VWA8: variants seen among roughly 807,000 people sequenced by gnomAD.
VWA8 encodes von Willebrand factor A domain containing 8.
Under a neutral mutation model 241.5 loss-of-function variants are expected in VWA8, and 221 were observed. That is an observed-to-expected ratio of 0.91 (90% CI 0.82 to 1.02). VWA8 has a LOEUF of 1.02. Among genes scored for constraint, VWA8 ranks in the 50% least tolerant of loss-of-function variants. The pLI, the probability that VWA8 is intolerant of heterozygous loss-of-function variation, is 0.00. For synonymous variants in VWA8, 852 were observed against 827.1 expected, an observed-to-expected ratio of 1.03 and a Z score of -0.52; for missense variants, 2,322 against 2,328.7, an observed-to-expected ratio of 1.00 and a Z score of 0.06.
chr13:41,683,182 C>T (rs557245446), intron 35 of VWA8, among the ~76,000 whole-genome samples: 1 of 151,736 alleles, frequency 6.6e-6, no homozygotes, highest in South Asian at 2.1e-4. Flanking sequence ...CTGGAAAAAA[C>T]CAATAAATAT....
rs370548495 is a variant in VWA8 at position 41,935,053 on chromosome 13, G to A, written c.241+14883C>T. ...TGATTATGTTTTATATTTGTAATAG[G>A]AACAAAAATTTATACTTCTTATGTT... On this transcript the variant is annotated intron_variant, in intron 2 of 44. Transcript: ENST00000379310. Among the ~76,000 whole-genome samples, 7 of 151,912 alleles carry A rather than the reference G, an allele frequency of 4.6e-5. No homozygotes were observed. The South Asian group carries it at 8.3e-4, about 18-fold the overall frequency.
chr13:41,622,955 T>C lies in VWA8; in HGVS notation c.4612-7871A>G, dbSNP rs116475934. On this transcript the variant is annotated intron_variant, in intron 37 of 44. Transcript: ENST00000379310. ...CTACCTCACGTTCATTTCCTCTTTT[T>C]TCCTTTTAAACAGAAGTCGGATATA... is the stretch of plus-strand genomic sequence containing the variant. 1.6e-3 allele frequency among the ~76,000 whole-genome samples: 237 copies of C among 152,342 alleles called. 1 individual carries two copies. Among genetic ancestry groups the C allele is most frequent in the African/African-American group, 5.5e-3 (228 of 41,584 alleles).
intron 18 of VWA8, among the ~76,000 whole-genome samples, chr13:41,785,040 C>G (rs1352749766): frequency 1.3e-5 from 2 of 151,592 alleles, no homozygotes; most frequent in Admixed American, 6.6e-5. Context: ...TATGTATTCC[C>G]TACAGTAACC....
rs539544248 is a variant in VWA8, at chr13:41,921,131, C to T, written c.242-8963G>A. ...TCCCTGGGATGCAAGGCTGGTTCAA[C>T]ATATGCAAATCAATAAACGTAATCC... On this transcript the variant is annotated intron_variant, in intron 2 of 44. Coordinates refer to ENST00000379310, the MANE Select transcript of VWA8 (RefSeq NM_015058.2). 4.9e-4 allele frequency among the ~76,000 whole-genome samples: 74 copies of T among 152,328 alleles called. 1 individual carries two copies. The South Asian group carries it at 0.012, about 26-fold the overall frequency.
At chr13:41,849,409 CCCA>C (rs550007726) in intron 12 of VWA8, among the ~76,000 whole-genome samples, 20 of 152,180 alleles carry the variant, frequency 1.3e-4, no homozygotes, top group African/African-American at 4.3e-4. Context: ...CAATATATTT[CCCA>C]CAAGGATGGA....
intron 2 of VWA8, among the ~76,000 whole-genome samples, chr13:41,931,810 C>G (rs1228496597): frequency 6.6e-6 from 1 of 152,020 alleles, no homozygotes; most frequent in East Asian, 1.9e-4. Context: ...TAGCATTCCA[C>G]TAAAGCTGTA....
Position 41,700,634 on chromosome 13 carries a change from G to C in VWA8, c.3364+758C>G, listed in dbSNP as rs2045243501. ...AGGCATTAAATGCAGTTCAGTCTTT[G>C]TCTTAAACATACAGATACAAGATTT... On this transcript the variant is annotated intron_variant, in intron 28 of 44. Transcript: ENST00000379310. Among the ~76,000 whole-genome samples, 3 of 152,092 alleles carry C rather than the reference G, an allele frequency of 2.0e-5. No homozygotes were observed. The South Asian group carries it at 6.2e-4, about 31-fold the overall frequency.
chr13:41,693,468 T>C lies in VWA8; in HGVS notation c.3565-496A>G, dbSNP rs552343744. ...ACAAATCCAGGTTCAATTTAGAAAA[T>C]AGGTATAAAATAGATATAAAGAGGA... On this transcript the variant is annotated intron_variant, in intron 29 of 44. Transcript: ENST00000379310. Among the ~76,000 whole-genome samples, 16 of 152,068 alleles carry C rather than the reference T, an allele frequency of 1.1e-4. No homozygotes were observed. The East Asian group carries it at 1.5e-3, about 15-fold the overall frequency.
intron 23 of VWA8, among the ~76,000 whole-genome samples, chr13:41,728,150 CTCA>C (rs2045451730): frequency 7.3e-6 from 1 of 136,944 alleles, no homozygotes; most frequent in Non-Finnish European, 1.7e-5. Flanking sequence ...AGAGCCTACT[CTCA>C]TTTTTTTATG....
chr13:41,784,173 A>G (rs1869032165), intron 18 of VWA8, among the ~76,000 whole-genome samples: 1 of 152,040 alleles, frequency 6.6e-6, no homozygotes, highest in Non-Finnish European at 1.5e-5. Flanking sequence ...AAAAACCAGA[A>G]TACAGTCAAG....
Position 41,587,612 on chromosome 13 carries a change from C to A in VWA8, c.5171G>T (p.Ser1724Ile). 1 of 1,614,228 alleles carries A rather than the reference C, an allele frequency of 6.2e-7. No individual in the cohort carries two copies. Among genetic ancestry groups the A allele is most frequent in the Non-Finnish European group, 8.5e-7 (1 of 1,180,050 alleles). ...RLRLVVDVSG[S>I]MYRFNRMDGR... The stretch of plus-strand genomic sequence containing the variant: ...ATCCATCCTGTTGAAACGGTACATG[C>A]TACCAGACACATCTACCACCAGGCG... The change falls in exon 42 of 45, where the codon AGC becomes ATC. Residue 1724 changes from serine to isoleucine, a missense_variant. Coordinates refer to ENST00000379310, the MANE Select transcript of VWA8 (RefSeq NM_015058.2).
At chr13:41,569,645 ATT>A (rs769186344) in intron 44 of VWA8, among the ~76,000 whole-genome samples, 14 of 140,026 alleles carry the variant, frequency 1.0e-4, no homozygotes, top group Non-Finnish European at 1.3e-4. Context: ...TTAGGCAGGG[ATT>A]TTTTTTTTTT....
intron 12 of VWA8, among the ~76,000 whole-genome samples, chr13:41,841,003 A>C (rs1198434036): frequency 6.6e-6 from 1 of 152,198 alleles, no homozygotes; most frequent in Non-Finnish European, 1.5e-5. Flanking sequence ...TTATAACCTG[A>C]AGAGCCATGT....
chr13:41,751,284 C>T (rs1325244260), intron 21 of VWA8, among the ~76,000 whole-genome samples: 2 of 152,072 alleles, frequency 1.3e-5, no homozygotes, highest in Admixed American at 6.6e-5. Context: ...CAGTAGAAGG[C>T]ATTATTAATA....
chr13:41,582,804 G>C (rs2044391946), intron 42 of VWA8, among the ~76,000 whole-genome samples: 1 of 152,178 alleles, frequency 6.6e-6, no homozygotes, highest in Non-Finnish European at 1.5e-5. Flanking sequence ...TCTGAGAAGA[G>C]ACTGATAATT....
At chr13:41,649,010 C>T (rs35760880) in intron 37 of VWA8, among the ~76,000 whole-genome samples, 2,983 of 152,148 alleles carry the variant, frequency 0.02, 26 homozygotes, top group South Asian at 0.047. Context: ...ATGGTGAAAC[C>T]TCGTCTCTAC....
chr13:41,648,293 C>T (rs2044845879), intron 37 of VWA8, among the ~76,000 whole-genome samples: 1 of 152,156 alleles, frequency 6.6e-6, no homozygotes, highest in South Asian at 2.1e-4. Context: ...CATTATTTAT[C>T]TGGTTCAGGT....
At chr13:41,959,823 T>C (rs147005761) in intron 1 of VWA8, among the ~76,000 whole-genome samples, 12,980 of 151,788 alleles carry the variant, frequency 0.086, 571 homozygotes, top group East Asian at 0.11. Flanking sequence ...TTAGCCAGGA[T>C]GGTCTCGATC....
chr13:41,605,196 G>C lies in VWA8; in HGVS notation c.4958C>G (p.Ser1653Cys). The change falls in exon 40 of 45, where the codon TCC becomes TGC. Residue 1653 changes from serine (S) to cysteine (C), a missense_variant. Ser to Cys is a moderately radical substitution (Grantham distance 112). Transcript: ENST00000379310. ...TAAATTATCCAGGATGATTCGGAGGGAGTGCACCTGTCGCCGAACAGCACC... is the reference window on the plus strand; with the variant it reads ...TAAATTATCCAGGATGATTCGGAGGCAGTGCACCTGTCGCCGAACAGCACC... ...FSGAVRRQVH[S>C]LRIILDNLQA... 1 of 1,613,180 alleles carries C rather than the reference G, an allele frequency of 6.2e-7. No homozygotes were observed. Among genetic ancestry groups the C allele is most frequent in the South Asian group, 1.1e-5 (1 of 91,050 alleles).
Sources: allele counts gnomAD v4.1 joint callset (sites outside exome capture counted in the v4.1 genomes callset), GRCh38; gene constraint gnomAD v4.1.1; transcripts MANE v1.5; gene names NCBI Gene and HGNC (gene_info 2026-07-23, HGNC 2026-07-21).